The following MDN1 variants were observed in gnomAD, a reference collection of about 807,000 sequenced individuals.
MDN1 encodes midasin.
MDN1 carries 266 observed loss-of-function variants against 669.2 expected under a neutral mutation model. The ratio of observed to expected loss-of-function variants is 0.40; its 90% CI spans 0.36 to 0.44. The LOEUF (loss-of-function observed/expected upper bound fraction) is 0.44, where lower values mean the gene tolerates loss of function less well. Among genes scored for constraint, MDN1 ranks in the 20% least tolerant of loss-of-function variants. MDN1 has a pLI of 1.00. For synonymous variants in MDN1, 2,385 were observed against 2,457.1 expected (o/e 0.97, Z 0.87); for missense variants, 5,940 against 6,754.0 (o/e 0.88, Z 4.22).
In MDN1 at chr6:89,662,814, T is replaced by C; in HGVS notation, c.14390A>G (p.Glu4797Gly). 1 of 1,614,064 alleles carries C rather than the reference T, an allele frequency of 6.2e-7. No homozygotes were observed. Among genetic ancestry groups the C allele is most frequent in the South Asian group, 1.1e-5 (1 of 91,066 alleles). Residue 4797 changes from glutamate (E) to glycine (G), a missense_variant, in exon 86 of 102, where the codon GAA (glutamate) becomes GGA (glycine). Physicochemically the swap from Glu to Gly is moderately conservative, Grantham distance 98. Transcript: ENST00000369393. ...TACCTCATCCATTCCTGGTCCTGTT[T>C]CTTCAGTTTTATTGTCTTCTTCCTC... ...DEEEEDNKTE[E>G]TGPGMDEEDS...
chr6:89,711,490 T>C (rs1813915483), intron 49 of MDN1, among the ~76,000 whole-genome samples: 1 of 152,144 alleles, frequency 6.6e-6, no homozygotes, highest in African/African-American at 2.4e-5. Context: ...GTGTAGGGTA[T>C]ATGAAAATAC....
chr6:89,644,554 C>T lies in MDN1; in HGVS notation c.16603-361G>A, dbSNP rs865848247. On this transcript the variant is annotated intron_variant, in intron 101 of 101. Transcript: ENST00000369393. ...CCACAGAGACAATGCTTCCCTGGAACAGAACTGCCCTATAGGCATATTTCA... is the reference window on the plus strand; with the variant it reads ...CCACAGAGACAATGCTTCCCTGGAATAGAACTGCCCTATAGGCATATTTCA... Among the ~76,000 whole-genome samples, 51 of 152,272 alleles carry T rather than the reference C, an allele frequency of 3.3e-4. No individual in the cohort carries two copies. The Middle Eastern group carries it at 0.02, about 61-fold the overall frequency.
intron 1 of MDN1, among the ~76,000 whole-genome samples, chr6:89,811,007 T>C (rs1455326684): frequency 6.6e-6 from 1 of 152,140 alleles, no homozygotes; most frequent in Non-Finnish European, 1.5e-5. Context: ...CCTATCTAAT[T>C]ATCTCATCCT....
At chr6:89,680,453 G>A in intron 74 of MDN1, 136 bp downstream of exon 74, 1 of 1,030,558 alleles carries the variant, frequency 9.7e-7, no homozygotes, top group Non-Finnish European at 1.4e-6. Context: ...GGGTTTTTAA[G>A]CCCACTTGCT....
intron 50 of MDN1, among the ~76,000 whole-genome samples, chr6:89,709,418 A>G (rs1485897137): frequency 6.6e-6 from 1 of 152,214 alleles, no homozygotes; most frequent in East Asian, 1.9e-4. Flanking sequence ...AGTTGGAGCT[A>G]ATGTGTTCCA....
intron 33 of MDN1, 34 bp downstream of exon 33, chr6:89,738,292 C>T: frequency 6.2e-7 from 1 of 1,609,668 alleles, no homozygotes; most frequent in East Asian, 2.2e-5. Context: ...CCTTCTATGA[C>T]CCAATACTAC....
intron 44 of MDN1, 40 bp downstream of exon 44, chr6:89,716,610 A>C: frequency 6.4e-7 from 1 of 1,566,484 alleles, no homozygotes; most frequent in Non-Finnish European, 8.6e-7. Context: ...GCATATCCCA[A>C]ATTTCAAGTT....
At chr6:89,777,884 C>T (rs1818434818) in intron 11 of MDN1, among the ~76,000 whole-genome samples, 2 of 152,118 alleles carry the variant, frequency 1.3e-5, no homozygotes. Context: ...AAAACCCTAG[C>T]TTCTGAGTTA....
intron 22 of MDN1, among the ~76,000 whole-genome samples, chr6:89,752,053 G>A (rs1330303820): frequency 6.6e-6 from 1 of 152,154 alleles, no homozygotes; most frequent in African/African-American, 2.4e-5. Context: ...GTGGATGATG[G>A]CATCACTTTG....
rs376821028 is a variant in MDN1, at chr6:89,754,200, C to A, written c.2847G>T (p.Gly949=). The change falls in exon 21 of 102, where the codon GGG becomes GGT. Residue 949 remains glycine, a synonymous_variant. Coordinates refer to ENST00000369393, the MANE Select transcript of MDN1 (RefSeq NM_014611.3). ...GGCCAGTGCCATCCACCAGTTTGGT[C>A]CCAGACTCTTTCCGCAAAGCTGTGT... ...NFYTALRKES[G]TKLVDGTGHR... The A allele has an allele frequency of 1.4e-5, 23 of 1,613,832 alleles. No homozygotes were observed. Among genetic ancestry groups the A allele is most frequent in the South Asian group, 4.4e-5 (4 of 91,062 alleles).
At chr6:89,739,146 T>G (rs1816156336) in intron 32 of MDN1, among the ~76,000 whole-genome samples, 1 of 152,218 alleles carries the variant, frequency 6.6e-6, no homozygotes, top group African/African-American at 2.4e-5. Flanking sequence ...CATACGTGTG[T>G]GTACCTCATC....
rs765390351 is a variant in MDN1, at chr6:89,743,300, G to A, written c.4318-20C>T. The A allele has an allele frequency of 6.2e-7, 1 of 1,613,904 alleles. No homozygotes were observed. Among genetic ancestry groups the A allele is most frequent in the Non-Finnish European group, 8.5e-7 (1 of 1,179,908 alleles). On this transcript the variant is annotated intron_variant, in intron 30 of 101. Transcript: ENST00000369393. ...TTCTTCCTATAATTTGAAAAAGTGG[G>A]GAAAATTAAAGGGCAGGTGGCTCCA...
At chr6:89,658,043 A>G (rs1163695114) in intron 90 of MDN1, among the ~76,000 whole-genome samples, 166 bp downstream of exon 90, 4 of 152,256 alleles carry the variant, frequency 2.6e-5, no homozygotes, top group Non-Finnish European at 5.9e-5. Flanking sequence ...CTGTTCAGTC[A>G]CGCGTTGCTT....
intron 1 of MDN1, among the ~76,000 whole-genome samples, chr6:89,816,261 G>A (rs532453823): frequency 3.3e-5 from 5 of 152,030 alleles, no homozygotes; most frequent in South Asian, 2.1e-4. Flanking sequence ...TTAGCCAGGC[G>A]CAGTGGCAGG....
chr6:89,666,740 C>T (rs1461347016), intron 84 of MDN1, among the ~76,000 whole-genome samples: 1 of 152,202 alleles, frequency 6.6e-6, no homozygotes, highest in Non-Finnish European at 1.5e-5. Flanking sequence ...GAGTCCAAGT[C>T]ATGGCTGCAG....
intron 97 of MDN1, among the ~76,000 whole-genome samples, chr6:89,649,233 T>C (rs1277536798): frequency 6.6e-6 from 1 of 152,248 alleles, no homozygotes; most frequent in Non-Finnish European, 1.5e-5. Context: ...TATTATTTCA[T>C]TTAATCTTCA....
chr6:89,806,132 C>T (rs1318689072), intron 1 of MDN1, among the ~76,000 whole-genome samples: 1 of 151,878 alleles, frequency 6.6e-6, no homozygotes, highest in Non-Finnish European at 1.5e-5. Context: ...ACATGGGGGT[C>T]TCACTATGTT....
At chr6:89,779,297 C>A (rs564954942) in intron 11 of MDN1, among the ~76,000 whole-genome samples, 4 of 152,166 alleles carry the variant, frequency 2.6e-5, no homozygotes, top group Non-Finnish European at 4.4e-5. Flanking sequence ...AAAAGAACAT[C>A]CAACTCCTTT....
chr6:89,669,847 T>A (rs949462288), intron 83 of MDN1, among the ~76,000 whole-genome samples: 1 of 151,908 alleles, frequency 6.6e-6, no homozygotes, highest in Non-Finnish European at 1.5e-5. Context: ...CTACAATCTC[T>A]ACAACCTCAG....
Sources: allele counts gnomAD v4.1 joint callset (sites outside exome capture counted in the v4.1 genomes callset), GRCh38; gene constraint gnomAD v4.1.1; transcripts MANE v1.5; gene names NCBI Gene and HGNC (gene_info 2026-07-23, HGNC 2026-07-21).